NKAIN2: variants seen among roughly 807,000 people sequenced by gnomAD.
NKAIN2 encodes the protein sodium/potassium-transporting ATPase subunit beta-1-interacting protein 2.
NKAIN2 carries 14 observed loss-of-function variants against 32.6 expected under a neutral mutation model. The ratio of observed to expected loss-of-function variants is 0.43; its 90% CI spans 0.28 to 0.67. NKAIN2 has a LOEUF of 0.67. NKAIN2 is among the 30% of genes least tolerant of loss of function. The pLI is 0.17. For synonymous variants in NKAIN2, 80 were observed against 87.2 expected (o/e 0.92, Z 0.46); for missense variants, 198 against 258.3 (o/e 0.77, Z 1.60).
intron 1 of NKAIN2, among the ~76,000 whole-genome samples, chr6:123,900,414 A>G (rs1394358884): frequency 6.6e-6 from 1 of 151,852 alleles, no homozygotes; most frequent in Non-Finnish European, 1.5e-5. Flanking sequence ...CGGAGGTTGC[A>G]GTGAGCCAAG....
At chr6:124,055,989 A>T (rs559716778) in intron 1 of NKAIN2, among the ~76,000 whole-genome samples, 1 of 152,212 alleles carries the variant, frequency 6.6e-6, no homozygotes, top group East Asian at 1.9e-4. Context: ...AGAGAGCAGA[A>T]TAACTGTCTA....
chr6:124,210,145 C>G (rs1162667571), intron 1 of NKAIN2, among the ~76,000 whole-genome samples: 2 of 151,686 alleles, frequency 1.3e-5, no homozygotes, highest in Non-Finnish European at 2.9e-5. Flanking sequence ...AGATAGAGAT[C>G]TAGTTTCATT....
chr6:124,790,380 A>G (rs1388589239), intron 4 of NKAIN2, among the ~76,000 whole-genome samples: 4 of 151,870 alleles, frequency 2.6e-5, no homozygotes, highest in Non-Finnish European at 4.4e-5. Context: ...TGAAGACTGC[A>G]GCTTTTCCTA....
chr6:124,778,582 G>T (rs982473376), intron 4 of NKAIN2, among the ~76,000 whole-genome samples: 3 of 151,902 alleles, frequency 2.0e-5, no homozygotes, highest in African/African-American at 7.2e-5. Context: ...GAATTAGTTT[G>T]ATATAAATAT....
intron 1 of NKAIN2, among the ~76,000 whole-genome samples, chr6:124,133,899 A>G (rs2114280515): frequency 6.6e-6 from 1 of 152,246 alleles, no homozygotes; most frequent in Admixed American, 6.5e-5. Context: ...TAAATTCAAG[A>G]ACAGTTTGAA....
chr6:124,191,523 A>T (rs1790020225), intron 1 of NKAIN2, among the ~76,000 whole-genome samples: 1 of 152,166 alleles, frequency 6.6e-6, no homozygotes. Context: ...CCTAAACTTT[A>T]CAAAGATGAT....
intron 1 of NKAIN2, among the ~76,000 whole-genome samples, chr6:123,953,734 G>A (rs1777433108): frequency 6.6e-6 from 1 of 152,148 alleles, no homozygotes; most frequent in South Asian, 2.1e-4. Context: ...CCTTTTGTCA[G>A]GTCCCATGGT....
intron 2 of NKAIN2, among the ~76,000 whole-genome samples, chr6:124,318,123 A>C (rs1797036930): frequency 6.6e-6 from 1 of 152,048 alleles, no homozygotes; most frequent in African/African-American, 2.4e-5. Context: ...TAGTTTTGGC[A>C]TGTGTGGAAT....
At chr6:123,987,143 G>T (rs1779175613) in intron 1 of NKAIN2, among the ~76,000 whole-genome samples, 1 of 152,066 alleles carries the variant, frequency 6.6e-6, no homozygotes, top group African/African-American at 2.4e-5. Context: ...TAGTTCAAAA[G>T]CTTCAAAAAT....
At chr6:124,030,111 C>T (rs1781342350) in intron 1 of NKAIN2, among the ~76,000 whole-genome samples, 2 of 152,118 alleles carry the variant, frequency 1.3e-5, no homozygotes, top group African/African-American at 4.8e-5. Context: ...AATGACCTGT[C>T]ACTGTCTCCC....
intron 4 of NKAIN2, among the ~76,000 whole-genome samples, chr6:124,785,744 A>C (rs1779470893): frequency 6.6e-6 from 1 of 152,170 alleles, no homozygotes; most frequent in Non-Finnish European, 1.5e-5. Context: ...TTACTGCTCC[A>C]AGGTGGCTTT....
At chr6:123,814,079 A>G (rs925361607) in intron 1 of NKAIN2, among the ~76,000 whole-genome samples, 4 of 152,132 alleles carry the variant, frequency 2.6e-5, no homozygotes, top group Non-Finnish European at 2.9e-5. Flanking sequence ...ACAGCTGTTC[A>G]GTAGTATTTA....
chr6:124,219,800 C>T lies in NKAIN2; in HGVS notation c.55-63205C>T, dbSNP rs574807277. 1.1e-3 allele frequency among the ~76,000 whole-genome samples: 173 copies of T among 152,134 alleles called. 1 individual carries two copies. The highest frequency in any genetic ancestry group is 3.9e-3 in the African/African-American group (164 of 41,522). ...ACAACATCAGTGAAATGGTTGAAAG[C>T]TGGTTTATTCCTATATCCTTATATA... On this transcript the variant is annotated intron_variant, in intron 1 of 6. Transcript: ENST00000368417.
At chr6:124,405,014 G>A (rs1391979498) in intron 3 of NKAIN2, among the ~76,000 whole-genome samples, 9 of 152,008 alleles carry the variant, frequency 5.9e-5, no homozygotes, top group Non-Finnish European at 1.3e-4. Flanking sequence ...AGAAGCAAAC[G>A]AATCTTTGCT....
At chr6:124,176,830 T>C (rs1031270643) in intron 1 of NKAIN2, among the ~76,000 whole-genome samples, 1 of 152,150 alleles carries the variant, frequency 6.6e-6, no homozygotes, top group African/African-American at 2.4e-5. Context: ...GTGTATTCTT[T>C]TGTTAACATC....
chr6:124,149,628 C>T (rs1167149636), intron 1 of NKAIN2, among the ~76,000 whole-genome samples: 2 of 152,132 alleles, frequency 1.3e-5, no homozygotes, highest in Non-Finnish European at 2.9e-5. Context: ...GATTTAATTC[C>T]ATTAATATCT....
intron 4 of NKAIN2, among the ~76,000 whole-genome samples, chr6:124,758,409 A>T (rs889111255): frequency 7.9e-5 from 12 of 152,160 alleles, no homozygotes; most frequent in African/African-American, 2.7e-4. Context: ...ACAGTCCTCT[A>T]TGAGCCAGGA....
intron 1 of NKAIN2, among the ~76,000 whole-genome samples, chr6:123,926,015 T>A (rs537253263): frequency 3.2e-4 from 48 of 152,284 alleles, no homozygotes; most frequent in African/African-American, 1.1e-3. Flanking sequence ...TCTCACTGTG[T>A]CCTCACATGG....
chr6:124,797,653 T>C (rs909559528), intron 5 of NKAIN2, among the ~76,000 whole-genome samples: 2 of 152,176 alleles, frequency 1.3e-5, no homozygotes, highest in African/African-American at 4.8e-5. Context: ...TTTTCTGTTA[T>C]TTTTGTTTGA....
Sources: allele counts gnomAD v4.1 joint callset (sites outside exome capture counted in the v4.1 genomes callset), GRCh38; gene constraint gnomAD v4.1.1; transcripts MANE v1.5; gene names NCBI Gene and HGNC (gene_info 2026-07-23, HGNC 2026-07-21).